The following CTNS variants were observed in gnomAD, a reference collection of about 807,000 sequenced individuals.
The protein encoded by CTNS is cystinosin, lysosomal cystine transporter.
Under a neutral mutation model 43.7 loss-of-function variants are expected in CTNS, and 27 were observed. The observed-to-expected ratio is 0.62, with a 90% confidence interval of 0.46 to 0.85. The LOEUF (loss-of-function observed/expected upper bound fraction) is 0.85, where lower values mean the gene tolerates loss of function less well. Ranked by LOEUF, CTNS falls within the 40% of genes least tolerant of loss-of-function variation. The pLI is 0.00. For missense variants in CTNS, 457 were observed against 475.4 expected, an observed-to-expected ratio of 0.96 and a Z score of 0.36; for synonymous variants, 187 against 190.6, an observed-to-expected ratio of 0.98 and a Z score of 0.16.
rs755297309 is a variant in CTNS, at chr17:3,656,782, G to A, written c.668G>A (p.Cys223Tyr). The change falls in exon 9 of 12, where the codon TGC (cysteine) becomes TAC (tyrosine). Residue 223 changes from cysteine to tyrosine, a missense_variant. Coordinates refer to ENST00000046640, the MANE Select transcript of CTNS (RefSeq NM_004937.3). ...VVLTLIIIVQ[C>Y]CLYERGGQRV... ...CTCACGCTGATCATCATCGTGCAGT[G>A]CTGCCTGTATGAGGTGAGACCAGCC... is the stretch of plus-strand genomic sequence containing the variant. The A allele has an allele frequency of 2.5e-6, 4 of 1,613,154 alleles. No homozygotes were observed. The highest frequency in any genetic ancestry group is 3.4e-6 in the Non-Finnish European group (4 of 1,179,916).
chr17:3,660,189 A>T, intron 11 of CTNS, 47 bp from the exon 12 acceptor site: 1 of 1,612,848 alleles, frequency 6.2e-7, no homozygotes, highest in Admixed American at 1.7e-5. Flanking sequence ...CAGCTGCCTC[A>T]GGAGCTGCCA....
chr17:3,647,471 C>T lies in CTNS; in HGVS notation c.89C>T (p.Pro30Leu). Residue 30 changes from proline (P) to leucine (L), a missense_variant, in exon 4 of 12, where the codon CCT (proline) becomes CTT (leucine). Coordinates refer to ENST00000046640, the MANE Select transcript of CTNS (RefSeq NM_004937.3). ...TCAAGCGTCAGCCTCACTGTTCCTCCTGTCGTAAAGCTGGAGAACGGCAGC... is the reference window on the plus strand; with the variant it reads ...TCAAGCGTCAGCCTCACTGTTCCTCTTGTCGTAAAGCTGGAGAACGGCAGC... ...CESSVSLTVPPVVKLENGSST... is the reference protein window; with the variant it reads ...CESSVSLTVPLVVKLENGSST... 6.2e-7 allele frequency: 1 copy of T among 1,614,158 alleles called. No homozygotes were observed. Among genetic ancestry groups the T allele is most frequent in the Non-Finnish European group, 8.5e-7 (1 of 1,179,998 alleles).
chr17:3,651,987 AG>A (rs1412929605), intron 5 of CTNS, among the ~76,000 whole-genome samples: 1 of 150,778 alleles, frequency 6.6e-6, no homozygotes, highest in African/African-American at 2.4e-5. Context: ...AAAAAAGAAA[AG>A]AAAAGAAAAG....
Position 3,644,289 on chromosome 17 carries a change from C to T in CTNS, c.62-3155C>T, listed in dbSNP as rs116499777. ...AATGGAGGCTCAGAGAGGGTAAGTA[C>T]CTTACCCATGGTCACACAGCTAGGA... On this transcript the variant is annotated intron_variant, in intron 3 of 11. Transcript: ENST00000046640. 4.6e-3 allele frequency among the ~76,000 whole-genome samples: 701 copies of T among 152,228 alleles called. 7 individuals are homozygous for T. The highest frequency in any genetic ancestry group is 0.016 in the African/African-American group (672 of 41,542).
intron 3 of CTNS, among the ~76,000 whole-genome samples, chr17:3,642,155 G>A (rs1415570433): frequency 6.6e-6 from 1 of 151,372 alleles, no homozygotes; most frequent in Non-Finnish European, 1.5e-5. Context: ...GTGTGTGTGT[G>A]TGTGTGTGTG....
chr17:3,650,765 G>A (rs222779), intron 5 of CTNS, among the ~76,000 whole-genome samples: 78,459 of 151,984 alleles, frequency 0.52, 20,847 homozygotes, highest in East Asian at 0.76. Context: ...CGAAGTCAAA[G>A]TGTCATCTTT....
chr17:3,642,557 A>G (rs442222), intron 3 of CTNS, among the ~76,000 whole-genome samples: 113,542 of 151,996 alleles, frequency 0.75, 43,011 homozygotes, highest in African/African-American at 0.84. Context: ...CATGGTGGCG[A>G]GCGCCTGTAA....
chr17:3,657,630 G>A, intron 9 of CTNS: 1 of 348,226 alleles, frequency 2.9e-6, no homozygotes, highest in Non-Finnish European at 5.5e-6. Context: ...TCAGTACCTG[G>A]CTGGGAGAGG....
rs367745334 is a variant in CTNS, at chr17:3,647,308, G to A, written c.62-136G>A. 781 of 760,674 alleles carry A rather than the reference G, an allele frequency of 1.0e-3. 11 individuals carry two copies. In the South Asian group the frequency reaches 0.011, roughly 11 times the overall value. 47.1% of individuals were successfully genotyped at this position (760,674 alleles called of 1,614,324 possible). A position where few individuals can be genotyped will look rare whatever the true frequency, so the allele number is the denominator to read the frequency against. Reference sequence around the variant, plus strand: ...AGGAAGCTAACCAGGGCCTGTGTTTGCAGTCCCATCACAGAATAGGGCTCG... The same window carrying A: ...AGGAAGCTAACCAGGGCCTGTGTTTACAGTCCCATCACAGAATAGGGCTCG... On this transcript the variant is annotated intron_variant, in intron 3 of 11. Transcript: ENST00000046640.
intron 10 of CTNS, among the ~76,000 whole-genome samples, chr17:3,659,394 G>A (rs1241350835): frequency 1.3e-5 from 2 of 152,220 alleles, no homozygotes; most frequent in African/African-American, 4.8e-5. Flanking sequence ...ACTGTCACTT[G>A]CCCAAGACAG....
At chr17:3,646,721 G>A (rs1019804712) in intron 3 of CTNS, among the ~76,000 whole-genome samples, 1 of 152,200 alleles carries the variant, frequency 6.6e-6, no homozygotes. Flanking sequence ...CTAAGCGTGA[G>A]CCACCACGCC....
At chr17:3,651,923 G>A (rs1318156864) in intron 5 of CTNS, among the ~76,000 whole-genome samples, 8 of 146,186 alleles carry the variant, frequency 5.5e-5, no homozygotes, top group African/African-American at 9.9e-5. Context: ...GCAGTGAGCT[G>A]AGATCACGCC....
intron 3 of CTNS, among the ~76,000 whole-genome samples, chr17:3,641,019 G>T (rs7213803): frequency 9.9e-5 from 15 of 152,122 alleles, no homozygotes; most frequent in East Asian, 5.8e-4. Flanking sequence ...TGTTGTACCC[G>T]GTTCTGCCAG....
chr17:3,655,057 A>T lies in CTNS; in HGVS notation c.285A>T (p.Gly95=), dbSNP rs373998956. ...TTCAAGTGACATCTCAAAATGTTGG[A>T]CAACTTACTGTTTATCTACATGGAA... ...SSFQVTSQNV[G]QLTVYLHGNH... Residue 95 remains glycine (G), a synonymous_variant, in exon 6 of 12, where the codon GGA becomes GGT. Coordinates refer to ENST00000046640, the MANE Select transcript of CTNS (RefSeq NM_004937.3). 9.4e-5 allele frequency: 152 copies of T among 1,614,020 alleles called. 1 individual carries two copies. The Admixed American group carries it at 2.5e-3, about 26-fold the overall frequency.
At chr17:3,655,599 G>A in intron 7 of CTNS, 1 of 412,162 alleles carries the variant, frequency 2.4e-6, no homozygotes, top group Non-Finnish European at 4.6e-6. Flanking sequence ...GGGCTCCTTA[G>A]TTTAGTGGAG....
At position 3,658,065 on chromosome 17, in the gene CTNS, G is replaced by A. The variant is rs755196712; in HGVS notation, c.742G>A (p.Ala248Thr). ...IGFLVLAWLF[A>T]FVTMIVAAVG... ...CTTCCTGGTGCTCGCGTGGCTCTTCGCATTTGTCACCATGATCGTGGCTGC... is the reference window on the plus strand; with the variant it reads ...CTTCCTGGTGCTCGCGTGGCTCTTCACATTTGTCACCATGATCGTGGCTGC... The change falls in exon 10 of 12, where the codon GCA becomes ACA. Residue 248 changes from alanine (A) to threonine (T), a missense_variant. Coordinates refer to ENST00000046640, the MANE Select transcript of CTNS (RefSeq NM_004937.3). 18 of 1,611,926 alleles carry A rather than the reference G, an allele frequency of 1.1e-5. No individual in the cohort carries two copies. The highest frequency in any genetic ancestry group is 2.2e-5 in the East Asian group (1 of 44,884).
intron 9 of CTNS, 23 bp from the exon 10 acceptor site, chr17:3,657,982 C>A: frequency 6.2e-7 from 1 of 1,605,070 alleles, no homozygotes; most frequent in Non-Finnish European, 8.5e-7. Flanking sequence ...GGGTCCACAT[C>A]TCTGCCCTCC....
chr17:3,638,363 G>C, intron 2 of CTNS, among the ~76,000 whole-genome samples: 1 of 151,734 alleles, frequency 6.6e-6, no homozygotes, highest in East Asian at 1.9e-4. Flanking sequence ...TCAGCCTCCT[G>C]AGTAGCTGGG....
rs769870975 is a variant in CTNS at position 3,656,632 on chromosome 17, C to A, written c.562-44C>A. 30 of 1,612,514 alleles carry A rather than the reference C, an allele frequency of 1.9e-5. 1 individual carries two copies. Among genetic ancestry groups the A allele is most frequent in the African/African-American group, 2.7e-5 (2 of 74,448 alleles). ...CATCTCTGCCCACATGGCGTGGTGG[C>A]CCGGCTGCCCCTCACCACCCAGCTT... On this transcript the variant is annotated intron_variant, in intron 8 of 11. Coordinates refer to ENST00000046640, the MANE Select transcript of CTNS (RefSeq NM_004937.3).
Sources: gnomAD v4.1 joint callset for allele counts (sites outside exome capture counted in the v4.1 genomes callset) on GRCh38, gnomAD v4.1.1 for gene constraint, MANE v1.5 for transcripts, NCBI Gene and HGNC (gene_info 2026-07-23, HGNC 2026-07-21) for gene names.